The following EPB41 variants were observed in gnomAD, a reference collection of about 807,000 sequenced individuals.
EPB41 encodes protein 4.1.
EPB41 carries 65 observed loss-of-function variants against 108.0 expected under a neutral mutation model. That is an observed-to-expected ratio of 0.60 (90% CI 0.49 to 0.74). The LOEUF (loss-of-function observed/expected upper bound fraction) is 0.74. Among genes scored for constraint, EPB41 ranks in the 30% least tolerant of loss-of-function variants. The pLI, the probability that EPB41 is intolerant of heterozygous loss-of-function variation, is 0.00. For missense variants in EPB41, 875 were observed against 1,037.0 expected, an observed-to-expected ratio of 0.84 and a Z score of 2.15; for synonymous variants, 336 against 358.9, an observed-to-expected ratio of 0.94 and a Z score of 0.72.
At chr1:29,068,530 C>T (rs892687420) in intron 16 of EPB41, among the ~76,000 whole-genome samples, 3 of 152,182 alleles carry the variant, frequency 2.0e-5, no homozygotes, top group Non-Finnish European at 2.9e-5. Context: ...TATGCTATTA[C>T]CCCTGTAAAT....
chr1:28,907,166 G>A (rs1258615823), intron 1 of EPB41, among the ~76,000 whole-genome samples: 1 of 151,772 alleles, frequency 6.6e-6, no homozygotes, highest in Non-Finnish European at 1.5e-5. Context: ...CTGGGTTCAA[G>A]CGATTCTTGT....
At chr1:28,944,261 T>C (rs556770478) in intron 1 of EPB41, among the ~76,000 whole-genome samples, 3 of 152,046 alleles carry the variant, frequency 2.0e-5, no homozygotes, top group South Asian at 4.1e-4. Context: ...AGGATGTTAA[T>C]TGGTTAAAAA....
intron 16 of EPB41, among the ~76,000 whole-genome samples, chr1:29,084,855 T>G (rs971408044): frequency 1.3e-5 from 2 of 152,140 alleles, no homozygotes; most frequent in African/African-American, 4.8e-5. Flanking sequence ...AGTTGTGATG[T>G]TCTCTAAAAT....
intron 19 of EPB41, among the ~76,000 whole-genome samples, chr1:29,114,979 C>G (rs1460784275): frequency 1.3e-5 from 2 of 152,124 alleles, no homozygotes; most frequent in Admixed American, 6.6e-5. Context: ...CTTTCCTCTC[C>G]CGTCCTGAAC....
At chr1:28,907,132 T>C (rs1044665644) in intron 1 of EPB41, among the ~76,000 whole-genome samples, 13 of 151,454 alleles carry the variant, frequency 8.6e-5, no homozygotes, top group Non-Finnish European at 1.3e-4. Flanking sequence ...GTGTGCGATC[T>C]TGGCTCACTG....
chr1:29,109,673 G>A (rs755035840), intron 18 of EPB41: 11 of 552,946 alleles, frequency 2.0e-5, no homozygotes, highest in Non-Finnish European at 3.3e-5. Flanking sequence ...GGTAGGTGTG[G>A]TTGTTCTCTT....
chr1:29,070,600 G>T, intron 16 of EPB41: 3 of 1,232,026 alleles, frequency 2.4e-6, no homozygotes, highest in Non-Finnish European at 3.0e-6. Flanking sequence ...CTGTTTGGTG[G>T]TTGGTCTTTC....
chr1:29,076,816 G>A (rs1419281418), intron 16 of EPB41, among the ~76,000 whole-genome samples: 2 of 152,104 alleles, frequency 1.3e-5, no homozygotes, highest in Non-Finnish European at 1.5e-5. Context: ...GTTGAGGCAG[G>A]GGATTGCTTG....
chr1:29,105,965 G>A (rs1296830486), intron 17 of EPB41, among the ~76,000 whole-genome samples: 1 of 151,912 alleles, frequency 6.6e-6, no homozygotes, highest in African/African-American at 2.4e-5. Flanking sequence ...GGCCAGGCTG[G>A]TCTCAAACTC....
At chr1:28,989,270 G>A (rs1245500445) in intron 2 of EPB41, 4 of 347,476 alleles carry the variant, frequency 1.2e-5, no homozygotes, top group Non-Finnish European at 8.1e-6. Context: ...AACTAAACAC[G>A]AGTTGTGAGT....
intron 1 of EPB41, chr1:28,889,767 C>A: frequency 1.0e-6 from 1 of 982,796 alleles, no homozygotes; most frequent in Non-Finnish European, 1.2e-6. Context: ...GAATCCTGAG[C>A]CCAGGTGTGG....
At chr1:29,046,239 C>T (rs1191950727) in intron 11 of EPB41, among the ~76,000 whole-genome samples, 2 of 151,904 alleles carry the variant, frequency 1.3e-5, no homozygotes, top group Non-Finnish European at 2.9e-5. Context: ...ACTCTCCTGC[C>T]TCAGCCTCCT....
chr1:28,940,969 A>G (rs1396170920), intron 1 of EPB41, among the ~76,000 whole-genome samples: 2 of 152,318 alleles, frequency 1.3e-5, no homozygotes, highest in Non-Finnish European at 2.9e-5. Flanking sequence ...ACCTTGAGGT[A>G]TAGGGTATGG....
intron 1 of EPB41, among the ~76,000 whole-genome samples, chr1:28,936,558 C>A (rs981553043): frequency 2.0e-5 from 3 of 152,154 alleles, no homozygotes; most frequent in African/African-American, 7.2e-5. Context: ...TTACATTTCC[C>A]CATCCCCCCA....
chr1:28,889,748 C>T (rs534596991), intron 1 of EPB41: 1 of 951,946 alleles, frequency 1.1e-6, no homozygotes, highest in East Asian at 1.2e-4. Context: ...AGGAGGGACT[C>T]CTGGAGAGGA....
At chr1:28,929,203 CCTT>C (rs1557700681) in intron 1 of EPB41, among the ~76,000 whole-genome samples, 1 of 151,642 alleles carries the variant, frequency 6.6e-6, no homozygotes, top group Non-Finnish European at 1.5e-5. Context: ...GTGACCTTGG[CCTT>C]CTTTTTTTAT....
intron 1 of EPB41, among the ~76,000 whole-genome samples, chr1:28,931,926 G>A (rs1181415540): frequency 6.6e-6 from 1 of 152,194 alleles, no homozygotes; most frequent in East Asian, 1.9e-4. Context: ...GTACAAATGA[G>A]GGCCCTGAGC....
At chr1:28,932,603 T>C (rs944411278) in intron 1 of EPB41, among the ~76,000 whole-genome samples, 38 of 152,150 alleles carry the variant, frequency 2.5e-4, no homozygotes, top group African/African-American at 7.7e-4. Flanking sequence ...ATTTTCAGTC[T>C]AAGATCTTTC....
At chr1:29,032,385 A>G (rs1048293464) in intron 8 of EPB41, among the ~76,000 whole-genome samples, 3 of 152,164 alleles carry the variant, frequency 2.0e-5, no homozygotes, top group Admixed American at 6.5e-5. Flanking sequence ...TTAAGAGGGC[A>G]TCTTCTGGGA....
Sources: allele counts gnomAD v4.1 joint callset (sites outside exome capture counted in the v4.1 genomes callset), GRCh38; gene constraint gnomAD v4.1.1; transcripts MANE v1.5; gene names NCBI Gene and HGNC (gene_info 2026-07-23, HGNC 2026-07-21).